The following BCAS3 variants were observed in gnomAD, a reference collection of about 807,000 sequenced individuals.
BCAS3 encodes BCAS3 microtubule associated cell migration factor.
A neutral mutation model predicts 116.1 loss-of-function variants in BCAS3; 53 were observed. The ratio of observed to expected loss-of-function variants is 0.46; its 90% CI spans 0.37 to 0.57. BCAS3 has a LOEUF of 0.57. Among genes scored for constraint, BCAS3 ranks in the 20% least tolerant of loss-of-function variants. The probability of loss-of-function intolerance (pLI) is 0.00; values close to 1 mark genes in which losing one functional copy is unlikely to be tolerated. For missense variants in BCAS3, 917 were observed against 1,165.4 expected (o/e 0.79, Z 3.10); for synonymous variants, 391 against 408.2 (o/e 0.96, Z 0.51).
At chr17:61,078,042 A>G (rs1019869805) in intron 20 of BCAS3, among the ~76,000 whole-genome samples, 1 of 152,154 alleles carries the variant, frequency 6.6e-6, no homozygotes, top group African/African-American at 2.4e-5. Context: ...TTTTACTTTC[A>G]TGTGATTTTT....
rs1472628738 is a variant in BCAS3 at position 61,204,190 on chromosome 17, TC to T, written c.2425+119627del. Among the ~76,000 whole-genome samples the T allele has an allele frequency of 2.0e-5, 3 of 152,170 alleles. No individual in the cohort carries two copies. The highest frequency in any genetic ancestry group is 4.4e-5 in the Non-Finnish European group (3 of 68,024). ...GAAATTTTCACAGAGGGAGAGAAAC[TC>T]TCCCTCCTCTTTCAGTGTTTTATTT... is the stretch of plus-strand genomic sequence containing the variant. On this transcript the variant is annotated intron_variant, in intron 22 of 23. Coordinates refer to ENST00000407086, the MANE Select transcript of BCAS3 (RefSeq NM_017679.5). This position sits in a 1 kb window ranked among gnomAD's most constrained non-coding sequence, Gnocchi z 4.2.
Position 60,964,038 on chromosome 17 carries a change from C to A in BCAS3, c.1221+16686C>A, listed in dbSNP as rs1053489802. Among the ~76,000 whole-genome samples the A allele has an allele frequency of 6.6e-6, 1 of 152,144 alleles. No individual in the cohort carries two copies. Among genetic ancestry groups the A allele is most frequent in the African/African-American group, 2.4e-5 (1 of 41,436 alleles). On this transcript the variant is annotated intron_variant, in intron 14 of 23. Transcript: ENST00000407086. This position sits in a 1 kb window ranked among gnomAD's most constrained non-coding sequence, Gnocchi z 4.6. ...GGTTGCTCTTTATTTCTTTCTCTTG[C>A]CTAATTGCTCTGGCCAGGACTGGCA...
intron 14 of BCAS3, among the ~76,000 whole-genome samples, chr17:60,976,985 A>AGGGGCTCCTCACTTCCCAGAC (rs1432499192): frequency 6.6e-6 from 1 of 151,944 alleles, no homozygotes; most frequent in African/African-American, 2.4e-5. Flanking sequence ...GGCCGGACAG[A>AGGGGCTCCTCACTTCCCAGAC]GGGGCTCCTC....
chr17:60,699,527 A>G (rs573962027), intron 4 of BCAS3, among the ~76,000 whole-genome samples: 151 of 152,254 alleles, frequency 9.9e-4, no homozygotes, highest in Non-Finnish European at 1.6e-4. Flanking sequence ...AGCCAAAAAC[A>G]CCATTTGAAT....
chr17:61,026,796 A>T lies in BCAS3; in HGVS notation c.1638-7870A>T, dbSNP rs900047795. On this transcript the variant is annotated intron_variant, in intron 16 of 23. Transcript: ENST00000407086. This position sits in a 1 kb window ranked among gnomAD's most constrained non-coding sequence, Gnocchi z 5.0. ...TCCATACTCTATAACAGTATGATAT[A>T]CTTGTATTTGCTAATGTTAAATGAG... 7.3e-7 allele frequency: 1 copy of T among 1,361,860 alleles called. No individual in the cohort carries two copies. The highest frequency in any genetic ancestry group is 1.4e-5 in the African/African-American group (1 of 69,050). The allele number at this position is 1,361,860 out of a possible 1,614,324, so 84.4% of individuals were successfully genotyped here. A position where few individuals can be genotyped will look rare whatever the true frequency, so the allele number is the denominator to read the frequency against.
At chr17:60,737,216 A>T (rs2041073782) in intron 5 of BCAS3, among the ~76,000 whole-genome samples, 1 of 152,140 alleles carries the variant, frequency 6.6e-6, no homozygotes, top group Non-Finnish European at 1.5e-5. Flanking sequence ...CTGGGATTAC[A>T]GGTGTGAGCC....
chr17:60,818,806 A>C (rs1340308758), intron 7 of BCAS3, among the ~76,000 whole-genome samples: 2 of 152,092 alleles, frequency 1.3e-5, no homozygotes, highest in Non-Finnish European at 2.9e-5. Flanking sequence ...TTTACTGCTC[A>C]AAGAAAGAGC....
At chr17:60,820,338 C>T (rs1405441791) in intron 7 of BCAS3, among the ~76,000 whole-genome samples, 1 of 152,156 alleles carries the variant, frequency 6.6e-6, no homozygotes, top group African/African-American at 2.4e-5. Context: ...AGCCACCGTG[C>T]CCAGCCGACG....
intron 7 of BCAS3, among the ~76,000 whole-genome samples, chr17:60,844,100 G>A (rs751081049): frequency 1.2e-4 from 18 of 152,158 alleles, no homozygotes; most frequent in Non-Finnish European, 1.9e-4. Context: ...CTCCCGAGTA[G>A]CTGGGATTAT....
At chr17:60,800,598 A>G (rs948927764) in intron 6 of BCAS3, among the ~76,000 whole-genome samples, 2 of 152,156 alleles carry the variant, frequency 1.3e-5, no homozygotes, top group Non-Finnish European at 2.9e-5. Flanking sequence ...TTTTAATTAA[A>G]TCCAATTAAT....
rs900270188 is a variant in BCAS3, at chr17:61,132,781, C to T, written c.2425+48217C>T. Among the ~76,000 whole-genome samples, 1 of 152,136 alleles carries T rather than the reference C, an allele frequency of 6.6e-6. No homozygotes were observed. The highest frequency in any genetic ancestry group is 1.9e-4 in the East Asian group (1 of 5,188). ...TGGAAGATAGAGTCCACTCCCCTAT[C>T]CCCGTCAATGAGAAGAAGCTCCTTA... is the stretch of plus-strand genomic sequence containing the variant. On this transcript the variant is annotated intron_variant, in intron 22 of 23. Coordinates refer to ENST00000407086, the MANE Select transcript of BCAS3 (RefSeq NM_017679.5). The surrounding 1 kb of genome is among the most constrained non-coding windows in gnomAD (Gnocchi z 5.1).
chr17:61,162,998 C>T lies in BCAS3; in HGVS notation c.2425+78434C>T, dbSNP rs964080487. ...ATCAAGGCAACATTCTATTCACATT[C>T]GTTCAGCAAATATTTGTTGAGCACC... On this transcript the variant is annotated intron_variant, in intron 22 of 23. Transcript: ENST00000407086. The surrounding 1 kb of genome is among the most constrained non-coding windows in gnomAD (Gnocchi z 5.6). 6.6e-6 allele frequency among the ~76,000 whole-genome samples: 1 copy of T among 152,132 alleles called. No individual in the cohort carries two copies. The highest frequency in any genetic ancestry group is 1.5e-5 in the Non-Finnish European group (1 of 68,034).
intron 8 of BCAS3, among the ~76,000 whole-genome samples, chr17:60,871,492 G>A (rs1016949212): frequency 2.0e-5 from 3 of 152,130 alleles, no homozygotes; most frequent in South Asian, 2.1e-4. Context: ...CTAGAGATTT[G>A]GTTTTATTTC....
At chr17:60,893,710 G>C (rs1269977557) in intron 10 of BCAS3, among the ~76,000 whole-genome samples, 1 of 147,472 alleles carries the variant, frequency 6.8e-6, no homozygotes, top group African/African-American at 2.5e-5. Flanking sequence ...CTGGGTTCAA[G>C]TGATTCTTTC....
At chr17:60,723,225 AATTATT>A (rs1024664996) in intron 5 of BCAS3, among the ~76,000 whole-genome samples, 1 of 151,684 alleles carries the variant, frequency 6.6e-6, no homozygotes, top group African/African-American at 2.4e-5. Flanking sequence ...AATTTCCATA[AATTATT>A]ATTATTATTT....
chr17:60,994,767 C>A lies in BCAS3; in HGVS notation c.1486+4532C>A, dbSNP rs551567089. Among the ~76,000 whole-genome samples, 64 of 152,312 alleles carry A rather than the reference C, an allele frequency of 4.2e-4. No individual in the cohort carries two copies. Among genetic ancestry groups the A allele is most frequent in the Non-Finnish European group, 8.4e-4 (57 of 68,018 alleles). ...ATTGCCTCTTTGAATGCCTACTAAG[C>A]AAGCTAAAATATTACTGCCTCTCTT... On this transcript the variant is annotated intron_variant, in intron 15 of 23. Coordinates refer to ENST00000407086, the MANE Select transcript of BCAS3 (RefSeq NM_017679.5). The surrounding 1 kb of genome is among the most constrained non-coding windows in gnomAD (Gnocchi z 4.4).
At chr17:60,773,927 G>A (rs529767507) in intron 6 of BCAS3, among the ~76,000 whole-genome samples, 21 of 152,314 alleles carry the variant, frequency 1.4e-4, no homozygotes, top group African/African-American at 4.6e-4. Context: ...ATTTACAGGT[G>A]TGAGCCACTT....
At chr17:60,827,299 G>A (rs2050517236) in intron 7 of BCAS3, among the ~76,000 whole-genome samples, 1 of 152,104 alleles carries the variant, frequency 6.6e-6, no homozygotes, top group Non-Finnish European at 1.5e-5. Flanking sequence ...AAGGTATTAA[G>A]GATAGTTAGA....
chr17:61,014,408 G>A (rs1294703324), intron 15 of BCAS3, among the ~76,000 whole-genome samples: 1 of 152,062 alleles, frequency 6.6e-6, no homozygotes, highest in African/African-American at 2.4e-5. Context: ...ATCAATGCAG[G>A]AATAGAACCA....
Sources: allele counts gnomAD v4.1 joint callset (sites outside exome capture counted in the v4.1 genomes callset), GRCh38; gene constraint gnomAD v4.1.1; non-coding constraint Gnocchi (gnomAD v3.1); transcripts MANE v1.5; gene names NCBI Gene and HGNC (gene_info 2026-07-23, HGNC 2026-07-21).